SLCO1A2: variants seen among roughly 807,000 people sequenced by gnomAD.
SLCO1A2 encodes solute carrier organic anion transporter family member 1A2.
A neutral mutation model predicts 69.0 loss-of-function variants in SLCO1A2; 67 were observed. That is an observed-to-expected ratio of 0.97 (90% CI 0.80 to 1.19). The LOEUF (loss-of-function observed/expected upper bound fraction) is 1.19. Among genes scored for constraint, SLCO1A2 ranks in the 50% most tolerant of loss-of-function variants. The pLI is 0.00. For missense variants in SLCO1A2, 787 were observed against 793.7 expected (o/e 0.99, Z 0.10); for synonymous variants, 260 against 265.9 (o/e 0.98, Z 0.22).
chr12:21,291,874 C>G (rs1565475565), intron 12 of SLCO1A2, among the ~76,000 whole-genome samples: 3 of 152,094 alleles, frequency 2.0e-5, no homozygotes, highest in Admixed American at 6.6e-5. Context: ...ACGGCCTACC[C>G]TAAGATATAA....
chr12:21,323,501 G>T (rs1236455290), intron 2 of SLCO1A2, among the ~76,000 whole-genome samples: 2 of 152,114 alleles, frequency 1.3e-5, no homozygotes, highest in Admixed American at 6.5e-5. Context: ...GAAGGTCAAG[G>T]CTGCAGTAAG....
chr12:21,373,597 A>G (rs2137094339), intron 2 of SLCO1A2: 1 of 703,584 alleles, frequency 1.4e-6, no homozygotes, highest in South Asian at 1.5e-5. Flanking sequence ...TCTTTAAAGA[A>G]TAACACCAGT....
chr12:21,414,219 C>A (rs1941956045), intron 1 of SLCO1A2, among the ~76,000 whole-genome samples: 1 of 151,682 alleles, frequency 6.6e-6, no homozygotes, highest in Admixed American at 6.6e-5. Flanking sequence ...CAGCCAGACC[C>A]AGCTCTGTTC....
At chr12:21,380,459 A>G (rs1397938795) in intron 1 of SLCO1A2, among the ~76,000 whole-genome samples, 2 of 152,238 alleles carry the variant, frequency 1.3e-5, no homozygotes, top group East Asian at 3.8e-4. Flanking sequence ...TACAGCAGAT[A>G]TTAATCGAAG....
upstream of SLCO1A2, among the ~76,000 whole-genome samples, chr12:21,336,229 C>T (rs537325075): frequency 2.7e-4 from 41 of 152,076 alleles, 2 homozygotes; most frequent in African/African-American, 3.6e-4. Context: ...TCTTCTCCCA[C>T]GTCAAAATTG....
At chr12:21,414,491 C>T (rs1034669370) in intron 1 of SLCO1A2, among the ~76,000 whole-genome samples, 12 of 151,598 alleles carry the variant, frequency 7.9e-5, no homozygotes, top group African/African-American at 2.9e-4. Context: ...TGCCATTAAC[C>T]AACTTAATCG....
chr12:21,413,237 C>CTTTTTTTTTTTTTTTTTTTTTTTTT lies in SLCO1A2; in HGVS notation c.-312+4644_-312+4645insAAAAAAAAAAAAAAAAAAAAAAAAA, dbSNP rs3983534. Among the ~76,000 whole-genome samples, 35 of 99,430 alleles carry CTTTTTTTTTTTTTTTTTTTTTTTTT rather than the reference C, an allele frequency of 3.5e-4. 1 individual carries two copies. The highest frequency in any genetic ancestry group is 7.0e-4 in the South Asian group (2 of 2,838). 65.2% of individuals were successfully genotyped at this position (99,430 alleles called of 152,430 possible). A position where few individuals can be genotyped will look rare whatever the true frequency, so the allele number is the denominator to read the frequency against. ...ACTTTCTTCTTTTCTTTTTCTTTTT[C>CTTTTTTTTTTTTTTTTTTTTTTTTT]TTTTTTTTTTTTTTTTTTTGAGAAG... On this transcript the variant is annotated intron_variant, in intron 1 of 4. Coordinates refer to the SLCO1A2 transcript ENST00000413682.
rs545609427 is a variant in SLCO1A2, at chr12:21,351,773, C to T, written c.-62-17064G>A. On this transcript the variant is annotated intron_variant, in intron 2 of 15. Transcript: ENST00000307378. ...AGCCTGGGCAACAAGAGCAAAATTC[C>T]GTCTCAAAAAAAAAAAAATCATAAA... 4.1e-5 allele frequency among the ~76,000 whole-genome samples: 6 copies of T among 145,918 alleles called. No individual in the cohort carries two copies. The South Asian group carries it at 1.4e-3, about 34-fold the overall frequency.
intron 1 of SLCO1A2, among the ~76,000 whole-genome samples, chr12:21,384,296 A>G (rs74066472): frequency 0.037 from 5,684 of 152,322 alleles, 344 homozygotes; most frequent in African/African-American, 0.13. Context: ...TAGAATAATG[A>G]AATTAATCTA....
At chr12:21,381,547 C>G (rs747941815) in intron 1 of SLCO1A2, among the ~76,000 whole-genome samples, 1 of 152,096 alleles carries the variant, frequency 6.6e-6, no homozygotes, top group African/African-American at 2.4e-5. Flanking sequence ...GCTGTAATCC[C>G]GGCACTTTGG....
chr12:21,274,373 C>A, intron 14 of SLCO1A2, 96 bp downstream of exon 14: 1 of 716,126 alleles, frequency 1.4e-6, no homozygotes, highest in Non-Finnish European at 2.4e-6. Context: ...CAAAAGTATT[C>A]TTTTCACTTG....
chr12:21,413,231 C>CTTTTTCT (rs1565535446), intron 1 of SLCO1A2, among the ~76,000 whole-genome samples: 5 of 94,716 alleles, frequency 5.3e-5, no homozygotes, highest in African/African-American at 4.0e-5. Context: ...TTTTCTTTTT[C>CTTTTTCT]TTTTTCTTTT....
At chr12:21,418,842 C>A (rs1406245715), upstream of SLCO1A2, among the ~76,000 whole-genome samples, 1 of 152,054 alleles carries the variant, frequency 6.6e-6, no homozygotes, top group Non-Finnish European at 1.5e-5. Context: ...AGCAAACTAC[C>A]ACCTGTAGGC....
At chr12:21,346,658 T>G (rs1290288801) in intron 2 of SLCO1A2, among the ~76,000 whole-genome samples, 1 of 152,206 alleles carries the variant, frequency 6.6e-6, no homozygotes, top group Non-Finnish European at 1.5e-5. Context: ...TTCCTTTGAT[T>G]GGAGTTTGAC....
intron 12 of SLCO1A2, among the ~76,000 whole-genome samples, chr12:21,285,946 C>T (rs1194452828): frequency 6.6e-6 from 1 of 152,012 alleles, no homozygotes; most frequent in Non-Finnish European, 1.5e-5. Flanking sequence ...TGAAAACTGG[C>T]ACAAGACAGG....
In SLCO1A2 at chr12:21,269,651, G is replaced by T. The variant is rs766246932; in HGVS notation, c.1910C>A (p.Thr637Lys). The change falls in exon 15 of 15, where the codon ACA becomes AAA. Residue 637 changes from threonine (T) to lysine (K), a missense_variant. Transcript: ENST00000683939. ...TTTGACTTTTGTCTCTATAAGCTCT[G>T]TTCCTGAAGAGGCATTTTCACCAGG... Reference protein sequence around the residue: ...HLPGENASSGTELIETKVKGK... With the variant: ...HLPGENASSGKELIETKVKGK... 9 of 1,612,366 alleles carry T rather than the reference G, an allele frequency of 5.6e-6. No homozygotes were observed. The South Asian group carries it at 9.9e-5, about 18-fold the overall frequency.
intron 2 of SLCO1A2, among the ~76,000 whole-genome samples, chr12:21,349,127 C>T (rs1591869064): frequency 6.6e-6 from 1 of 152,214 alleles, no homozygotes; most frequent in South Asian, 2.1e-4. Context: ...CTGTCCCTTT[C>T]CAGATGGTGA....
At chr12:21,340,217 A>G (rs758334958) in intron 2 of SLCO1A2, among the ~76,000 whole-genome samples, 1 of 152,076 alleles carries the variant, frequency 6.6e-6, no homozygotes, top group Non-Finnish European at 1.5e-5. Context: ...ACCTGCATAC[A>G]TTAACTAATC....
chr12:21,300,762 G>C (rs953541579), intron 7 of SLCO1A2, among the ~76,000 whole-genome samples, 193 bp from the exon 8 acceptor site: 1 of 152,246 alleles, frequency 6.6e-6, no homozygotes, highest in South Asian at 2.1e-4. Flanking sequence ...CTGGTTATCT[G>C]TCTATCATGT....
Sources: allele counts gnomAD v4.1 joint callset (sites outside exome capture counted in the v4.1 genomes callset), GRCh38; gene constraint gnomAD v4.1.1; transcripts MANE v1.5; gene names NCBI Gene and HGNC (gene_info 2026-07-23, HGNC 2026-07-21).